Variants in OCIAD1 observed in about 807,000 individuals in gnomAD.
OCIAD1 encodes the protein OCIA domain containing 1, also known as OCIA domain-containing protein 1.
A neutral mutation model predicts 38.9 loss-of-function variants in OCIAD1; 29 were observed. The observed-to-expected ratio is 0.74, with a 90% CI of 0.55 to 1.02. The LOEUF is 1.02. OCIAD1 is among the 50% of genes least tolerant of loss of function. The pLI is 0.00. For synonymous variants in OCIAD1, 110 were observed against 92.0 expected (o/e 1.20, Z -1.12); for missense variants, 288 against 289.6 (o/e 0.99, Z 0.04).
chr4:48,852,882 G>GTTTTTTTGTTTTTTTTTTTTTTTTT (rs1779635252), intron 7 of OCIAD1, among the ~76,000 whole-genome samples: 1 of 126,338 alleles, frequency 7.9e-6, no homozygotes, highest in African/African-American at 3.2e-5. Context: ...TTTGTTTTTT[G>GTTTTTTTGTTTTTTTTTTTTTTTTT]TTTTTTTTTT....
upstream of OCIAD1, among the ~76,000 whole-genome samples, chr4:48,826,164 A>T (rs1483681352): frequency 1.3e-5 from 2 of 151,388 alleles, no homozygotes; most frequent in South Asian, 2.1e-4. Context: ...TTTTTTTTTT[A>T]AATTATACTT....
intron 8 of OCIAD1, among the ~76,000 whole-genome samples, chr4:48,858,423 A>C (rs1018418239): frequency 2.2e-4 from 33 of 151,856 alleles, no homozygotes; most frequent in African/African-American, 7.7e-4. Context: ...TTTCTTGTAC[A>C]TTTGGGTTTT....
chr4:48,848,605 ATTTTATTG>A lies in OCIAD1; in HGVS notation c.241+162_241+169del, dbSNP rs113418825. On this transcript the variant is annotated intron_variant, in intron 5 of 8. Coordinates refer to ENST00000264312, the MANE Select transcript of OCIAD1 (RefSeq NM_017830.4). ...ATTTCATTAAGTGGATTACTTGGAT[ATTTTATTG>A]TTAGCATAAAAAATCATCAGTTGAA... 70 of 410,984 alleles carry A rather than the reference ATTTTATTG, an allele frequency of 1.7e-4. 1 individual carries two copies. In the Middle Eastern group the frequency reaches 3.1e-3, roughly 18 times the overall value. 25.5% of individuals were successfully genotyped at this position (410,984 alleles called of 1,614,324 possible).
At chr4:48,810,801 G>A (rs546373691) in intron 1 of OCIAD1, among the ~76,000 whole-genome samples, 1 of 152,008 alleles carries the variant, frequency 6.6e-6, no homozygotes, top group African/African-American at 2.4e-5. Flanking sequence ...GCAGGAAATA[G>A]AAGGGGGATA....
chr4:48,822,663 C>A (rs1350794075), intron 1 of OCIAD1, among the ~76,000 whole-genome samples: 1 of 152,038 alleles, frequency 6.6e-6, no homozygotes, highest in East Asian at 1.9e-4. Context: ...AGGTCTAATA[C>A]CCTGAATCTA....
At chr4:48,851,395 A>G (rs1464132560) in intron 6 of OCIAD1, among the ~76,000 whole-genome samples, 1 of 152,214 alleles carries the variant, frequency 6.6e-6, no homozygotes, top group African/African-American at 2.4e-5. Context: ...CTGCGTTAAA[A>G]ATTATTTTGA....
chr4:48,816,498 A>C (rs1369126699), intron 1 of OCIAD1, among the ~76,000 whole-genome samples: 2 of 151,026 alleles, frequency 1.3e-5, no homozygotes, highest in Non-Finnish European at 2.9e-5. Flanking sequence ...ACGCCACTGC[A>C]CTCCAGCCTG....
At chr4:48,858,102 C>T (rs577809709) in intron 8 of OCIAD1, among the ~76,000 whole-genome samples, 2 of 152,186 alleles carry the variant, frequency 1.3e-5, no homozygotes, top group African/African-American at 4.8e-5. Context: ...TGCAGTGAAC[C>T]GACATCACGC....
intron 1 of OCIAD1, among the ~76,000 whole-genome samples, chr4:48,824,175 TTTGCCGTG>T (rs1777225677): frequency 6.6e-6 from 1 of 152,022 alleles, no homozygotes; most frequent in African/African-American, 2.4e-5. Context: ...GAGATGGGTT[TTTGCCGTG>T]TTGCCCACAC....
Position 48,832,608 on chromosome 4 carries a change from T to A in OCIAD1, c.-5-12T>A. On this transcript the variant is annotated splice_polypyrimidine_tract_variant and intron_variant, in intron 1 of 8. Coordinates refer to ENST00000264312, the MANE Select transcript of OCIAD1 (RefSeq NM_017830.4). ...AGTTTCTAATACTTAATATGTAATG[T>A]TTTTGATACAGGAAAGATGAATGGG... 1.2e-6 allele frequency: 2 copies of A among 1,607,228 alleles called. No homozygotes were observed. Among genetic ancestry groups the A allele is most frequent in the Non-Finnish European group, 1.7e-6 (2 of 1,173,740 alleles).
chr4:48,830,594 C>T (rs1777390719), upstream of OCIAD1: 1 of 152,140 alleles, frequency 6.6e-6, no homozygotes, highest in Non-Finnish European at 1.5e-5. Context: ...AAACCGTAGC[C>T]TCAGAGAGAT....
At chr4:48,811,367 A>C (rs1777087426) in intron 1 of OCIAD1, among the ~76,000 whole-genome samples, 1 of 152,192 alleles carries the variant, frequency 6.6e-6, no homozygotes, top group Non-Finnish European at 1.5e-5. Flanking sequence ...CTCCAATAAA[A>C]GCCAAAGTCT....
intron 4 of OCIAD1, among the ~76,000 whole-genome samples, chr4:48,843,941 T>G (rs573099154): frequency 1.3e-5 from 2 of 152,330 alleles, no homozygotes; most frequent in Non-Finnish European, 1.5e-5. Context: ...TGTGAACATA[T>G]GTTGAAGCAA....
intron 3 of OCIAD1, among the ~76,000 whole-genome samples, chr4:48,839,778 A>G (rs1386456007): frequency 6.6e-6 from 1 of 152,040 alleles, no homozygotes; most frequent in Non-Finnish European, 1.5e-5. Context: ...TATTGAATAT[A>G]GTTTGGGACT....
intron 1 of OCIAD1, among the ~76,000 whole-genome samples, chr4:48,811,185 C>T (rs1417448269): frequency 6.6e-6 from 1 of 152,102 alleles, no homozygotes; most frequent in Non-Finnish European, 1.5e-5. Flanking sequence ...TCTCCCACTA[C>T]CACATTGATT....
rs1192376521 is a variant in OCIAD1, at chr4:48,811,004, C to G, written c.-103+5674C>G. Among the ~76,000 whole-genome samples the G allele has an allele frequency of 4.0e-5, 6 of 150,898 alleles. No individual in the cohort carries two copies. The East Asian group carries it at 5.9e-4, about 15-fold the overall frequency. Reference sequence around the variant, plus strand: ...ACAAGTAGTTGGGACCACAGGCACACACTACCATGTCTGGCTAATTTTTTG... The same window carrying G: ...ACAAGTAGTTGGGACCACAGGCACAGACTACCATGTCTGGCTAATTTTTTG... On this transcript the variant is annotated intron_variant, in intron 1 of 6. Transcript: ENST00000504654.
chr4:48,814,840 T>C (rs34738700), intron 1 of OCIAD1, among the ~76,000 whole-genome samples: 4,232 of 152,214 alleles, frequency 0.028, 84 homozygotes, highest in South Asian at 0.065. Flanking sequence ...ATCTCAGAGG[T>C]ATTAATAGAT....
rs762133343 is a variant in OCIAD1 at position 48,857,222 on chromosome 4, C to G, written c.557C>G (p.Pro186Arg). ...CTGTTTGTTGTTTTAGGACCTGATC[C>G]CAACCTTGAAGAAAGTCCTAAAAGA... Reference protein sequence around the residue: ...ITDHIVQGPDPNLEESPKRKN... With the variant: ...ITDHIVQGPDRNLEESPKRKN... The change falls in exon 8 of 9, where the codon CCC becomes CGC. Residue 186 changes from proline to arginine, a missense_variant. Coordinates refer to ENST00000264312, the MANE Select transcript of OCIAD1 (RefSeq NM_017830.4). The G allele has an allele frequency of 2.0e-6, 3 of 1,538,142 alleles. No homozygotes were observed. Among genetic ancestry groups the G allele is most frequent in the Non-Finnish European group, 2.6e-6 (3 of 1,143,416 alleles).
chr4:48,808,122 G>GT (rs1194864664), intron 1 of OCIAD1, among the ~76,000 whole-genome samples: 3 of 152,190 alleles, frequency 2.0e-5, no homozygotes, highest in Non-Finnish European at 4.4e-5. Flanking sequence ...ATTCTGCTAT[G>GT]TTTTGTGTAT....
Sources: allele counts gnomAD v4.1 joint callset (sites outside exome capture counted in the v4.1 genomes callset), GRCh38; gene constraint gnomAD v4.1.1; transcripts MANE v1.5; gene names NCBI Gene and HGNC (gene_info 2026-07-23, HGNC 2026-07-21).